LRBA: variants seen among roughly 807,000 people sequenced by gnomAD.
The protein encoded by LRBA is lipopolysaccharide-responsive and beige-like anchor protein.
In LRBA, 176 loss-of-function variants were observed where a neutral mutation model predicts 330.0. That is an observed-to-expected ratio of 0.53 (90% CI 0.47 to 0.60). LRBA has a LOEUF of 0.60. Ranked by LOEUF, LRBA falls within the 20% of genes least tolerant of loss-of-function variation. The pLI is 0.00. For synonymous variants in LRBA, 1,230 were observed against 1,193.0 expected (o/e 1.03, Z -0.64); for missense variants, 3,259 against 3,444.8 (o/e 0.95, Z 1.35).
At chr4:150,709,565 G>T (rs1346334128) in intron 36 of LRBA, among the ~76,000 whole-genome samples, 2 of 151,764 alleles carry the variant, frequency 1.3e-5, no homozygotes, top group East Asian at 1.9e-4. Flanking sequence ...AGGTAAAAAA[G>T]AAATCAAATG....
intron 36 of LRBA, among the ~76,000 whole-genome samples, chr4:150,721,639 G>C (rs1159010781): frequency 1.3e-5 from 2 of 152,064 alleles, no homozygotes; most frequent in East Asian, 3.9e-4. Context: ...TCCTGAGACA[G>C]AGTATTGCTC....
intron 2 of LRBA, among the ~76,000 whole-genome samples, chr4:150,993,910 CA>C (rs1162692446): frequency 4.6e-5 from 7 of 151,564 alleles, no homozygotes; most frequent in Admixed American, 6.6e-5. Flanking sequence ...ACTAAAAATA[CA>C]AAAATTAGCC....
chr4:150,651,753 G>A (rs4450905), intron 37 of LRBA, among the ~76,000 whole-genome samples: 123,905 of 152,176 alleles, frequency 0.81, 53,469 homozygotes, highest in Non-Finnish European at 0.95. Flanking sequence ...AGTAGGCAAT[G>A]TATTATGTTC....
chr4:150,303,634 C>T lies in LRBA; in HGVS notation c.7850-842G>A, dbSNP rs143585193. On this transcript the variant is annotated intron_variant, in intron 52 of 56. Transcript: ENST00000651943. Reference sequence around the variant, plus strand: ...TCGCCCAGGCTGGAGTGTAGTGGCGCGATCTTGGCTCACTGCAAGCTCTGC... The same window carrying T: ...TCGCCCAGGCTGGAGTGTAGTGGCGTGATCTTGGCTCACTGCAAGCTCTGC... 2.4e-3 allele frequency among the ~76,000 whole-genome samples: 363 copies of T among 152,036 alleles called. 3 individuals carry two copies. The highest frequency in any genetic ancestry group is 8.0e-3 in the African/African-American group (332 of 41,464).
chr4:151,012,529 C>A (rs1744969698), intron 2 of LRBA, among the ~76,000 whole-genome samples: 1 of 152,146 alleles, frequency 6.6e-6, no homozygotes, highest in African/African-American at 2.4e-5. Context: ...GTAAAGCAAT[C>A]AATTTACCAT....
chr4:150,583,632 C>T lies in LRBA; in HGVS notation c.6330+4416G>A. ...CTTGGCCCGGCCCCAATCGGGTGGC[C>T]GAGGTCAAGGCCGAAGGGTTCAACT... is the stretch of plus-strand genomic sequence containing the variant. On this transcript the variant is annotated intron_variant, in intron 40 of 56. Transcript: ENST00000651943. This position sits in a 1 kb window ranked among gnomAD's most constrained non-coding sequence, Gnocchi z 9.8. 1.2e-6 allele frequency: 2 copies of T among 1,613,866 alleles called. No homozygotes were observed. Among genetic ancestry groups the T allele is most frequent in the Non-Finnish European group, 1.7e-6 (2 of 1,179,996 alleles).
At chr4:150,636,437 C>T (rs1406584750) in intron 37 of LRBA, among the ~76,000 whole-genome samples, 2 of 152,084 alleles carry the variant, frequency 1.3e-5, no homozygotes, top group African/African-American at 4.8e-5. Context: ...TACATGTCTC[C>T]ATCATTCTTT....
intron 37 of LRBA, among the ~76,000 whole-genome samples, chr4:150,600,681 T>C (rs1468167109): frequency 6.6e-6 from 1 of 152,142 alleles, no homozygotes; most frequent in Non-Finnish European, 1.5e-5. Flanking sequence ...TTATTATATA[T>C]TTCTTCATTA....
At chr4:150,758,928 T>G (rs2126452428) in intron 35 of LRBA, among the ~76,000 whole-genome samples, 1 of 152,076 alleles carries the variant, frequency 6.6e-6, no homozygotes, top group African/African-American at 2.4e-5. Flanking sequence ...AGTCATTTTT[T>G]CCCCACGACA....
intron 47 of LRBA, among the ~76,000 whole-genome samples, chr4:150,379,929 G>A (rs1253680739): frequency 1.3e-5 from 2 of 150,212 alleles, no homozygotes; most frequent in East Asian, 3.9e-4. Context: ...TTGGGACAAC[G>A]AGGTGAGAGG....
intron 37 of LRBA, among the ~76,000 whole-genome samples, chr4:150,675,728 T>A (rs938137712): frequency 7.2e-5 from 11 of 151,998 alleles, no homozygotes; most frequent in African/African-American, 2.7e-4. Context: ...AAAAAATAAA[T>A]AAATTAATTA....
At chr4:150,835,667 G>A (rs939776492) in intron 28 of LRBA, among the ~76,000 whole-genome samples, 8 of 152,276 alleles carry the variant, frequency 5.3e-5, no homozygotes, top group African/African-American at 1.9e-4. Flanking sequence ...CTGAGACTTT[G>A]CTGAAGTTGC....
chr4:150,785,412 C>G (rs1403212956), intron 34 of LRBA, among the ~76,000 whole-genome samples: 2 of 152,188 alleles, frequency 1.3e-5, no homozygotes, highest in African/African-American at 4.8e-5. Context: ...AGAATTCCAG[C>G]CCCTCTCATC....
intron 47 of LRBA, among the ~76,000 whole-genome samples, chr4:150,351,247 TA>T (rs1737112804): frequency 6.6e-6 from 1 of 152,208 alleles, no homozygotes; most frequent in South Asian, 2.1e-4. Flanking sequence ...AAACTAAAGA[TA>T]TTTTTTAGGA....
intron 2 of LRBA, among the ~76,000 whole-genome samples, chr4:151,011,042 C>T (rs984401093): frequency 2.0e-5 from 3 of 151,960 alleles, no homozygotes; most frequent in African/African-American, 7.3e-5. Flanking sequence ...AAAAAATTAG[C>T]TGGGCGTGGT....
At chr4:150,575,346 C>T (rs1770408543) in intron 40 of LRBA, among the ~76,000 whole-genome samples, 1 of 151,908 alleles carries the variant, frequency 6.6e-6, no homozygotes, top group African/African-American at 2.4e-5. Flanking sequence ...TAATTCATAA[C>T]ATTTAAAGGA....
intron 37 of LRBA, among the ~76,000 whole-genome samples, chr4:150,676,467 A>G (rs1029878688): frequency 6.6e-6 from 1 of 152,216 alleles, no homozygotes; most frequent in Non-Finnish European, 1.5e-5. Context: ...AGCCAGTACT[A>G]AATAAATACG....
chr4:150,691,828 C>T (rs995825537), intron 36 of LRBA, among the ~76,000 whole-genome samples: 1 of 152,086 alleles, frequency 6.6e-6, no homozygotes, highest in African/African-American at 2.4e-5. Context: ...AATGGATAAA[C>T]AAAATAATTC....
At chr4:150,418,379 A>G (rs1748093798) in intron 46 of LRBA, among the ~76,000 whole-genome samples, 1 of 152,202 alleles carries the variant, frequency 6.6e-6, no homozygotes, top group African/African-American at 2.4e-5. Flanking sequence ...TAGTTAAACT[A>G]GAAATTAAAT....
Sources: gnomAD v4.1 joint callset for allele counts (sites outside exome capture counted in the v4.1 genomes callset) on GRCh38, gnomAD v4.1.1 for gene constraint, Gnocchi (gnomAD v3.1) non-coding constraint, MANE v1.5 for transcripts, NCBI Gene and HGNC (gene_info 2026-07-23, HGNC 2026-07-21) for gene names.